DGKI: variants seen among roughly 807,000 people sequenced by gnomAD.
DGKI encodes the protein diacylglycerol kinase iota.
In DGKI, 55 loss-of-function variants were observed where a neutral mutation model predicts 147.5. That is an observed-to-expected ratio of 0.37 (90% confidence interval 0.30 to 0.47). The LOEUF is 0.47. Ranked by LOEUF, DGKI falls within the 20% of genes least tolerant of loss-of-function variation. The probability of loss-of-function intolerance (pLI) is 1.00; values close to 1 mark genes in which losing one functional copy is unlikely to be tolerated. For missense variants in DGKI, 1,007 were observed against 1,323.8 expected (o/e 0.76, Z 3.71); for synonymous variants, 469 against 477.1 (o/e 0.98, Z 0.22).
intron 23 of DGKI, among the ~76,000 whole-genome samples, chr7:137,481,831 T>C (rs1220236704): frequency 2.0e-5 from 3 of 152,108 alleles, no homozygotes; most frequent in African/African-American, 7.2e-5. Context: ...AAACCCTAGC[T>C]GCAAATTAGT....
chr7:137,505,801 G>T (rs1816347757), intron 21 of DGKI, among the ~76,000 whole-genome samples: 1 of 148,978 alleles, frequency 6.7e-6, no homozygotes, highest in Non-Finnish European at 1.5e-5. Flanking sequence ...CTGGGCAAAA[G>T]ATCTAAACAA....
chr7:137,483,588 G>A (rs1399398927), intron 23 of DGKI, among the ~76,000 whole-genome samples: 2 of 151,940 alleles, frequency 1.3e-5, no homozygotes, highest in East Asian at 1.9e-4. Context: ...TATTCCTAAT[G>A]CTCTCCTTCT....
At chr7:137,611,671 T>C (rs577454602) in intron 8 of DGKI, among the ~76,000 whole-genome samples, 2 of 152,308 alleles carry the variant, frequency 1.3e-5, no homozygotes, top group Non-Finnish European at 1.5e-5. Flanking sequence ...CAAAGGTACA[T>C]GAAGCAGTTA....
chr7:137,580,277 A>G (rs1819143237), intron 15 of DGKI, among the ~76,000 whole-genome samples: 1 of 152,158 alleles, frequency 6.6e-6, no homozygotes, highest in Non-Finnish European at 1.5e-5. Flanking sequence ...GAGATAAAAA[A>G]TGGGGTAAGA....
intron 1 of DGKI, among the ~76,000 whole-genome samples, chr7:137,784,082 C>A (rs1343253090): frequency 6.6e-6 from 1 of 152,096 alleles, no homozygotes; most frequent in African/African-American, 2.4e-5. Flanking sequence ...GGTATTCAGG[C>A]AACAAATAGC....
chr7:137,757,038 T>G (rs1795706115), intron 1 of DGKI, among the ~76,000 whole-genome samples: 1 of 152,216 alleles, frequency 6.6e-6, no homozygotes, highest in Non-Finnish European at 1.5e-5. Context: ...TCTCTGGAAT[T>G]TCTCAGTAAA....
intron 1 of DGKI, among the ~76,000 whole-genome samples, chr7:137,793,851 A>C (rs1323073049): frequency 2.0e-5 from 3 of 152,190 alleles, no homozygotes; most frequent in African/African-American, 7.2e-5. Context: ...ATTTTCTAAT[A>C]ATCACAAATT....
At chr7:137,417,690 A>C (rs1812410041) in intron 28 of DGKI, among the ~76,000 whole-genome samples, 1 of 152,200 alleles carries the variant, frequency 6.6e-6, no homozygotes, top group Non-Finnish European at 1.5e-5. Flanking sequence ...TGTGGTATTA[A>C]GAGGTGGGGC....
At chr7:137,654,122 C>A (rs1665116612) in intron 5 of DGKI, among the ~76,000 whole-genome samples, 2 of 152,340 alleles carry the variant, frequency 1.3e-5, no homozygotes, top group African/African-American at 4.8e-5. Flanking sequence ...TTCCTCTTTA[C>A]CTGTTTATCT....
In DGKI at chr7:137,493,928, G is replaced by T. The variant is rs1815866043; in HGVS notation, c.2249-6239C>A. 29 of 589,346 alleles carry T rather than the reference G, an allele frequency of 4.9e-5. No homozygotes were observed. The South Asian group carries it at 5.9e-4, about 12-fold the overall frequency. The allele number at this position is 589,346 out of a possible 1,614,324, so 36.5% of individuals were successfully genotyped here. On this transcript the variant is annotated intron_variant, in intron 21 of 32. Transcript: ENST00000614521. ...TAACACCCAATCCAAAAATTCTAAAGAATACAATAAAATGATACAGCAGAT... is the reference window on the plus strand; with the variant it reads ...TAACACCCAATCCAAAAATTCTAAATAATACAATAAAATGATACAGCAGAT...
At chr7:137,543,142 G>A (rs1020008632) in intron 20 of DGKI, among the ~76,000 whole-genome samples, 4 of 152,138 alleles carry the variant, frequency 2.6e-5, no homozygotes, top group Non-Finnish European at 4.4e-5. Context: ...AGCTGAATAG[G>A]AGTTGGCAAT....
intron 21 of DGKI, among the ~76,000 whole-genome samples, chr7:137,518,570 A>G (rs1022263798): frequency 1.3e-5 from 2 of 152,078 alleles, no homozygotes; most frequent in Non-Finnish European, 2.9e-5. Flanking sequence ...TTAATTCCCT[A>G]TCCTTATAGA....
intron 1 of DGKI, among the ~76,000 whole-genome samples, chr7:137,837,813 C>T (rs1019021297): frequency 2.0e-5 from 3 of 152,042 alleles, no homozygotes; most frequent in African/African-American, 7.2e-5. Flanking sequence ...TACAGCAGCC[C>T]AAGCTAATGA....
chr7:137,478,157 T>C (rs1815241890), intron 23 of DGKI, among the ~76,000 whole-genome samples: 2 of 152,180 alleles, frequency 1.3e-5, no homozygotes, highest in African/African-American at 4.8e-5. Context: ...ACCTGGCAGA[T>C]TGCAGAACAC....
At chr7:137,519,934 A>G (rs1278883076) in intron 21 of DGKI, among the ~76,000 whole-genome samples, 1 of 151,994 alleles carries the variant, frequency 6.6e-6, no homozygotes, top group Non-Finnish European at 1.5e-5. Context: ...CCTTTTAGAG[A>G]GTATATGTGT....
At chr7:137,688,608 A>C (rs1051052026) in intron 2 of DGKI, among the ~76,000 whole-genome samples, 6 of 152,200 alleles carry the variant, frequency 3.9e-5, no homozygotes, top group African/African-American at 1.4e-4. Context: ...GGTTGTTTGG[A>C]ACATCGTGAA....
intron 13 of DGKI, among the ~76,000 whole-genome samples, chr7:137,586,834 T>C (rs948959370): frequency 6.6e-6 from 1 of 152,216 alleles, no homozygotes; most frequent in African/African-American, 2.4e-5. Flanking sequence ...TGTCTTTTAG[T>C]GGATACCTCA....
intron 20 of DGKI, among the ~76,000 whole-genome samples, chr7:137,540,754 A>AGC (rs1407097549): frequency 1.1e-5 from 1 of 89,626 alleles, no homozygotes; most frequent in South Asian, 4.1e-4. Flanking sequence ...ACATTTTAAA[A>AGC]ACCCCCCCAA....
At chr7:137,496,164 A>G (rs1362594651) in intron 21 of DGKI, among the ~76,000 whole-genome samples, 2 of 152,080 alleles carry the variant, frequency 1.3e-5, no homozygotes, top group South Asian at 4.2e-4. Flanking sequence ...ATACACCAAC[A>G]ACATCCAAAC....
Sources: allele counts gnomAD v4.1 joint callset (sites outside exome capture counted in the v4.1 genomes callset), GRCh38; gene constraint gnomAD v4.1.1; transcripts MANE v1.5; gene names NCBI Gene and HGNC (gene_info 2026-07-23, HGNC 2026-07-21).